AK5: variants seen among roughly 807,000 people sequenced by gnomAD.
AK5 encodes adenylate kinase isoenzyme 5.
In AK5, 27 loss-of-function variants were observed where a neutral mutation model predicts 69.5. The ratio of observed to expected loss-of-function variants is 0.39; its 90% CI spans 0.29 to 0.54. AK5 has a LOEUF of 0.54. Ranked by LOEUF, AK5 falls within the 20% of genes least tolerant of loss-of-function variation. The pLI, the probability that AK5 is intolerant of heterozygous loss-of-function variation, is 0.71. For synonymous variants in AK5, 260 were observed against 244.4 expected (o/e 1.06, Z -0.60); for missense variants, 531 against 700.4 (o/e 0.76, Z 2.73).
chr1:77,308,012 A>G (rs913390224), intron 5 of AK5, among the ~76,000 whole-genome samples: 2 of 152,122 alleles, frequency 1.3e-5, no homozygotes, highest in African/African-American at 4.8e-5. Context: ...GTGATGCTCA[A>G]TTTCTTAAGT....
chr1:77,480,066 G>C (rs1443652139), intron 8 of AK5, among the ~76,000 whole-genome samples: 1 of 152,058 alleles, frequency 6.6e-6, no homozygotes, highest in African/African-American at 2.4e-5. Context: ...GTGCTTACAG[G>C]GGCTGTTTGG....
intron 5 of AK5, among the ~76,000 whole-genome samples, chr1:77,308,604 A>C (rs1249671462): frequency 6.6e-6 from 1 of 152,182 alleles, no homozygotes; most frequent in East Asian, 1.9e-4. Context: ...CAGAGTCCAC[A>C]GTGACAACCT....
rs142921929 is a variant in AK5, at chr1:77,531,320, G to A, written c.1429-4527G>A. Among the ~76,000 whole-genome samples the A allele has an allele frequency of 5.6e-3, 846 of 152,300 alleles. 6 individuals are homozygous for A. The highest frequency in any genetic ancestry group is 0.02 in the African/African-American group (812 of 41,570). ...CCACAGTGTGGACGGGGACCCCAGC[G>A]GGTTGCCACTGCAGGCTAGGATCTG... On this transcript the variant is annotated intron_variant, in intron 12 of 13. Transcript: ENST00000354567.
chr1:77,391,453 G>GTGTA (rs1265946605), intron 6 of AK5, among the ~76,000 whole-genome samples: 1 of 122,772 alleles, frequency 8.1e-6, no homozygotes. Context: ...ATATGTGTGT[G>GTGTA]TATATATATA....
chr1:77,497,307 G>A (rs146540024), intron 10 of AK5, among the ~76,000 whole-genome samples: 380 of 152,150 alleles, frequency 2.5e-3, no homozygotes, highest in African/African-American at 8.7e-3. Context: ...TTTAAGAGCT[G>A]TAACACTCAC....
chr1:77,364,489 A>G (rs1646917516), intron 6 of AK5, among the ~76,000 whole-genome samples: 1 of 152,138 alleles, frequency 6.6e-6, no homozygotes, highest in Non-Finnish European at 1.5e-5. Flanking sequence ...ATCTAGCTGT[A>G]ATTTTGTAGC....
At chr1:77,351,835 A>G (rs1046825667) in intron 6 of AK5, among the ~76,000 whole-genome samples, 2 of 152,200 alleles carry the variant, frequency 1.3e-5, no homozygotes, top group African/African-American at 4.8e-5. Context: ...GCTGGAATAA[A>G]TGAGTGAGCC....
Position 77,535,923 on chromosome 1 carries a change from G to A in AK5, c.1505G>A (p.Arg502Gln), listed in dbSNP as rs373612539. The change falls in exon 13 of 14, where the codon CGG becomes CAG. Residue 502 changes from arginine to glutamine, a missense_variant. Transcript: ENST00000354567. ...ACCAACCGCCTTCTCCAAAGGAGCC[G>A]GAGCAGCCTGCCTGTGGACGACACC... ...TMTNRLLQRS[R>Q]SSLPVDDTTK... 7.4e-6 allele frequency: 12 copies of A among 1,613,668 alleles called. No homozygotes were observed. The highest frequency in any genetic ancestry group is 4.0e-5 in the African/African-American group (3 of 74,804).
chr1:77,422,150 A>G (rs12030302), intron 8 of AK5, among the ~76,000 whole-genome samples: 64,342 of 151,848 alleles, frequency 0.42, 14,787 homozygotes, highest in Non-Finnish European at 0.53. Flanking sequence ...CTCTTCCTAC[A>G]TCAGTTTGAT....
Position 77,429,620 on chromosome 1 carries a change from G to A in AK5, c.1059+11905G>A, listed in dbSNP as rs532225248. Among the ~76,000 whole-genome samples the A allele has an allele frequency of 9.8e-5, 15 of 152,304 alleles. No homozygotes were observed. The Middle Eastern group carries it at 0.014, about 138-fold the overall frequency. On this transcript the variant is annotated intron_variant, in intron 8 of 13. Coordinates refer to ENST00000354567, the MANE Select transcript of AK5 (RefSeq NM_174858.3). The stretch of plus-strand genomic sequence containing the variant: ...CTGTGAAGTACTTGGGAGAATAAGT[G>A]CATGGTGCTGTGTGTAGATGTGGTT...
intron 8 of AK5, among the ~76,000 whole-genome samples, chr1:77,440,028 C>A (rs919932546): frequency 3.9e-5 from 6 of 151,984 alleles, no homozygotes. Flanking sequence ...TAGTGATAAG[C>A]TTTGATTCTT....
intron 6 of AK5, among the ~76,000 whole-genome samples, chr1:77,399,532 T>C (rs1002425798): frequency 3.3e-5 from 5 of 152,152 alleles, no homozygotes; most frequent in African/African-American, 1.2e-4. Flanking sequence ...AAAGCCCTGG[T>C]TGGGCTGTGA....
intron 8 of AK5, among the ~76,000 whole-genome samples, chr1:77,478,550 C>A (rs1335123979): frequency 6.6e-6 from 1 of 152,140 alleles, no homozygotes; most frequent in Non-Finnish European, 1.5e-5. Flanking sequence ...CATGAGTTCT[C>A]CATTAAACCT....
At chr1:77,540,849 A>T (rs1659230755) in intron 13 of AK5, among the ~76,000 whole-genome samples, 2 of 152,206 alleles carry the variant, frequency 1.3e-5, no homozygotes, top group Admixed American at 1.3e-4. Flanking sequence ...CTATAATCAC[A>T]GCAGTTTGGG....
chr1:77,466,766 T>C (rs1035895313), intron 8 of AK5, among the ~76,000 whole-genome samples: 1 of 152,180 alleles, frequency 6.6e-6, no homozygotes, highest in African/African-American at 2.4e-5. Flanking sequence ...ACAAGCCCTT[T>C]TTAAGAGGGC....
chr1:77,391,495 G>GTGTGTGTATATA (rs1425180466), intron 6 of AK5, among the ~76,000 whole-genome samples: 21 of 63,400 alleles, frequency 3.3e-4, no homozygotes, highest in Non-Finnish European at 5.8e-4. Flanking sequence ...GTGTGTGTGT[G>GTGTGTGTATATA]TATATATATA....
chr1:77,417,610 T>C, intron 7 of AK5, 29 bp from the exon 8 acceptor site: 1 of 1,421,712 alleles, frequency 7.0e-7, no homozygotes, highest in Non-Finnish European at 9.9e-7. Flanking sequence ...ACAACCTCCA[T>C]CCACTTATCT....
chr1:77,379,203 G>T (rs1314478263), intron 6 of AK5, among the ~76,000 whole-genome samples: 1 of 152,174 alleles, frequency 6.6e-6, no homozygotes, highest in Admixed American at 6.5e-5. Flanking sequence ...CTAGCAGAAA[G>T]CTTCCGATGG....
intron 6 of AK5, among the ~76,000 whole-genome samples, chr1:77,356,789 A>C (rs1388736716): frequency 2.0e-5 from 3 of 152,196 alleles, no homozygotes; most frequent in African/African-American, 7.2e-5. Context: ...TGATTCTTTC[A>C]ATGTATTGGA....
Sources: allele counts gnomAD v4.1 joint callset (sites outside exome capture counted in the v4.1 genomes callset), GRCh38; gene constraint gnomAD v4.1.1; transcripts MANE v1.5; gene names NCBI Gene and HGNC (gene_info 2026-07-23, HGNC 2026-07-21).